Variants in SMOC1 observed in about 807,000 individuals in gnomAD.
SMOC1 encodes the protein SPARC related modular calcium binding 1, also known as SPARC-related modular calcium-binding protein 1.
SMOC1 carries 22 observed loss-of-function variants against 56.3 expected under a neutral mutation model. The observed-to-expected ratio is 0.39, with a 90% CI of 0.28 to 0.56. The LOEUF (loss-of-function observed/expected upper bound fraction) is 0.56. Among genes scored for constraint, SMOC1 ranks in the 20% least tolerant of loss-of-function variants. SMOC1 has a pLI of 0.61. For missense variants in SMOC1, 509 were observed against 565.4 expected (o/e 0.90, Z 1.01); for synonymous variants, 193 against 215.0 (o/e 0.90, Z 0.89).
chr14:69,958,004 G>A (rs1883249154), intron 3 of SMOC1, among the ~76,000 whole-genome samples: 1 of 152,146 alleles, frequency 6.6e-6, no homozygotes, highest in African/African-American at 2.4e-5. Flanking sequence ...TATTTCGAAA[G>A]CTCATTTATA....
At chr14:69,943,229 C>T (rs1251433112) in intron 1 of SMOC1, among the ~76,000 whole-genome samples, 1 of 152,184 alleles carries the variant, frequency 6.6e-6, no homozygotes, top group East Asian at 1.9e-4. Context: ...CAGGCTCTGT[C>T]GCAGAGGTGT....
At chr14:69,995,200 A>G (rs1482740801) in intron 7 of SMOC1, among the ~76,000 whole-genome samples, 2 of 152,182 alleles carry the variant, frequency 1.3e-5, no homozygotes, top group Non-Finnish European at 2.9e-5. Context: ...TCTTTTCCTT[A>G]TAGGTGGCAA....
At chr14:70,016,067 G>A (rs1375125189) in intron 10 of SMOC1, among the ~76,000 whole-genome samples, 1 of 152,170 alleles carries the variant, frequency 6.6e-6, no homozygotes, top group Non-Finnish European at 1.5e-5. Flanking sequence ...GAGTCCTAAG[G>A]AGGCAGGACT....
At chr14:70,027,326 C>A (rs774913002) in intron 11 of SMOC1, among the ~76,000 whole-genome samples, 1 of 152,130 alleles carries the variant, frequency 6.6e-6, no homozygotes, top group East Asian at 1.9e-4. Flanking sequence ...TTGAAGATGT[C>A]GCCTTGTGTG....
At chr14:69,915,060 G>A (rs1042172251) in intron 1 of SMOC1, among the ~76,000 whole-genome samples, 1 of 151,926 alleles carries the variant, frequency 6.6e-6, no homozygotes, top group Admixed American at 6.6e-5. Context: ...TAAAGATGGG[G>A]TTTCACCATG....
chr14:69,988,911 C>G (rs1008452342), intron 5 of SMOC1, among the ~76,000 whole-genome samples: 3 of 152,198 alleles, frequency 2.0e-5, no homozygotes, highest in African/African-American at 7.2e-5. Flanking sequence ...GAATAGTATG[C>G]TATCATATGG....
At chr14:69,894,620 C>T (rs1205918569) in intron 1 of SMOC1, among the ~76,000 whole-genome samples, 1 of 152,112 alleles carries the variant, frequency 6.6e-6, no homozygotes, top group Non-Finnish European at 1.5e-5. Context: ...GGATCTGTGA[C>T]ATTTGGAGAC....
intron 7 of SMOC1, among the ~76,000 whole-genome samples, chr14:70,008,217 C>T (rs1468975594): frequency 1.3e-5 from 2 of 152,116 alleles, no homozygotes; most frequent in African/African-American, 2.4e-5. Flanking sequence ...GCAGCCTCAA[C>T]CTCCTGGACT....
At chr14:69,968,004 A>G (rs956571954) in intron 3 of SMOC1, among the ~76,000 whole-genome samples, 1 of 152,226 alleles carries the variant, frequency 6.6e-6, no homozygotes, top group African/African-American at 2.4e-5. Flanking sequence ...ACTCTTGTCC[A>G]TGTGTGAAAT....
At chr14:70,004,631 A>T (rs1325211519) in intron 7 of SMOC1, among the ~76,000 whole-genome samples, 1 of 152,232 alleles carries the variant, frequency 6.6e-6, no homozygotes, top group East Asian at 1.9e-4. Flanking sequence ...TGGCCTGCCC[A>T]ACATATTTTA....
intron 1 of SMOC1, among the ~76,000 whole-genome samples, chr14:69,897,317 G>T (rs1180030484): frequency 6.6e-6 from 1 of 152,180 alleles, no homozygotes; most frequent in African/African-American, 2.4e-5. Context: ...TCCAGATAAG[G>T]TGGCTTGGGC....
At position 69,911,689 on chromosome 14, in the gene SMOC1, C is replaced by A. The variant is rs574873066; in HGVS notation, c.99+31912C>A. Among the ~76,000 whole-genome samples the A allele has an allele frequency of 2.2e-4, 34 of 152,256 alleles. 1 individual carries two copies. In the South Asian group the frequency reaches 4.8e-3, roughly 21 times the overall value. ...ATGTTCTTGCATATATTGGTAGTTC[C>A]TTTTTATTGGCTGAGTAGTATTCCA... On this transcript the variant is annotated intron_variant, in intron 1 of 11. Coordinates refer to ENST00000361956, the MANE Select transcript of SMOC1 (RefSeq NM_001034852.3).
intron 1 of SMOC1, among the ~76,000 whole-genome samples, chr14:69,933,025 G>A (rs2139396473): frequency 6.6e-6 from 1 of 152,190 alleles, no homozygotes; most frequent in East Asian, 1.9e-4. Flanking sequence ...GAGTTTTAAT[G>A]ATGAGTATAC....
At chr14:70,023,622 G>A (rs1885816709) in intron 11 of SMOC1, among the ~76,000 whole-genome samples, 175 bp downstream of exon 11, 1 of 152,168 alleles carries the variant, frequency 6.6e-6, no homozygotes, top group Non-Finnish European at 1.5e-5. Context: ...TGACTGATAA[G>A]GTCCCTATCC....
intron 1 of SMOC1, among the ~76,000 whole-genome samples, chr14:69,892,509 T>C (rs1159675067): frequency 1.3e-5 from 2 of 152,196 alleles, no homozygotes; most frequent in Non-Finnish European, 2.9e-5. Flanking sequence ...TTGGGTCCTA[T>C]CTAGTCATTA....
At chr14:69,978,120 C>A in intron 5 of SMOC1, 155 bp downstream of exon 5, 1 of 721,018 alleles carries the variant, frequency 1.4e-6, no homozygotes. Context: ...TCTGAAGCAC[C>A]CGAGGTAAGT....
At chr14:69,882,966 G>A (rs528463341) in intron 1 of SMOC1, among the ~76,000 whole-genome samples, 1 of 152,296 alleles carries the variant, frequency 6.6e-6, no homozygotes. Flanking sequence ...GAGATGATGC[G>A]AAGATCAAGA....
In SMOC1 at chr14:69,995,029, A is replaced by G. The variant is rs1884717024; in HGVS notation, c.664+549A>G. ...ATAAAGACCAGAGTCAGTAAAGTCT[A>G]TTTACTATCAATAAAGACTGAATGT... On this transcript the variant is annotated intron_variant, in intron 7 of 11. Coordinates refer to ENST00000361956, the MANE Select transcript of SMOC1 (RefSeq NM_001034852.3). 2.0e-5 allele frequency among the ~76,000 whole-genome samples: 3 copies of G among 152,332 alleles called. No individual in the cohort carries two copies. The South Asian group carries it at 6.2e-4, about 32-fold the overall frequency.
chr14:70,015,380 C>T (rs1380371266), intron 10 of SMOC1, among the ~76,000 whole-genome samples: 4 of 151,990 alleles, frequency 2.6e-5, no homozygotes, highest in East Asian at 3.9e-4. Flanking sequence ...GTTAACAGCA[C>T]GGTGCTATAC....
Sources: gnomAD v4.1 joint callset for allele counts (sites outside exome capture counted in the v4.1 genomes callset) on GRCh38, gnomAD v4.1.1 for gene constraint, MANE v1.5 for transcripts, NCBI Gene and HGNC (gene_info 2026-07-23, HGNC 2026-07-21) for gene names.